PTPRD: variants seen among roughly 807,000 people sequenced by gnomAD.
PTPRD encodes the protein receptor-type tyrosine-protein phosphatase delta.
A neutral mutation model predicts 214.5 loss-of-function variants in PTPRD; 34 were observed. That is an observed-to-expected ratio of 0.16 (90% confidence interval 0.12 to 0.21). The LOEUF is 0.21. Ranked by LOEUF, PTPRD falls within the 10% of genes least tolerant of loss-of-function variation. The pLI, the probability that PTPRD is intolerant of heterozygous loss-of-function variation, is 1.00. For missense variants in PTPRD, 2,545 were observed against 2,398.7 expected (o/e 1.06, Z -1.27); for synonymous variants, 1,128 against 845.7 (o/e 1.33, Z -5.79).
At chr9:8,939,708 C>T (rs1442535447) in intron 11 of PTPRD, among the ~76,000 whole-genome samples, 1 of 152,150 alleles carries the variant, frequency 6.6e-6, no homozygotes, top group East Asian at 1.9e-4. Flanking sequence ...TTTTGGGAGA[C>T]AGCTAAGGAT....
chr9:8,445,728 G>C (rs1181019717), intron 34 of PTPRD, among the ~76,000 whole-genome samples: 1 of 152,114 alleles, frequency 6.6e-6, no homozygotes, highest in Non-Finnish European at 1.5e-5. Flanking sequence ...TATTGTCTCT[G>C]ATGCAGCAAT....
intron 39 of PTPRD, among the ~76,000 whole-genome samples, chr9:8,351,742 T>TAAAAAAAAAA (rs71317359): frequency 1.5e-5 from 1 of 68,518 alleles, no homozygotes; most frequent in Non-Finnish European, 2.5e-5. Flanking sequence ...TGGCAAAGAG[T>TAAAAAAAAAA]AAAAAAAAAA....
At chr9:9,687,655 A>G (rs550645440) in intron 7 of PTPRD, among the ~76,000 whole-genome samples, 29 of 151,908 alleles carry the variant, frequency 1.9e-4, no homozygotes, top group African/African-American at 7.0e-4. Context: ...AAGATTATGC[A>G]ATCTTTAACA....
At chr9:9,225,999 G>C (rs1338207144) in intron 9 of PTPRD, among the ~76,000 whole-genome samples, 1 of 151,812 alleles carries the variant, frequency 6.6e-6, no homozygotes, top group East Asian at 1.9e-4. Context: ...GAAAATTTAT[G>C]GTTCCCTCTT....
chr9:9,963,609 T>A (rs1242130449), intron 4 of PTPRD, among the ~76,000 whole-genome samples: 2 of 152,156 alleles, frequency 1.3e-5, no homozygotes, highest in Non-Finnish European at 2.9e-5. Context: ...GCATAAAATA[T>A]GCAGTCAAAC....
At chr9:8,958,828 A>G (rs1567239348) in intron 11 of PTPRD, 1 of 152,002 alleles carries the variant, frequency 6.6e-6, no homozygotes. Flanking sequence ...ATGGAAAAGG[A>G]CTGGAGATAT....
chr9:10,445,912 G>C (rs1479013407), intron 2 of PTPRD, among the ~76,000 whole-genome samples: 3 of 152,082 alleles, frequency 2.0e-5, no homozygotes, highest in Non-Finnish European at 2.9e-5. Flanking sequence ...TAAGTGGTAG[G>C]AGTTTGGTTT....
chr9:9,042,605 C>CT (rs201347176), intron 10 of PTPRD, among the ~76,000 whole-genome samples: 4 of 81,232 alleles, frequency 4.9e-5, no homozygotes, highest in Admixed American at 1.2e-4. Context: ...AGCATTTTTT[C>CT]TTTTTTTTCT....
intron 8 of PTPRD, among the ~76,000 whole-genome samples, chr9:9,402,438 A>G (rs1288760526): frequency 6.6e-6 from 1 of 152,118 alleles, no homozygotes; most frequent in African/African-American, 2.4e-5. Context: ...AGATTTAACA[A>G]AAAATTTCTT....
chr9:9,429,670 G>A (rs2082315813), intron 8 of PTPRD, among the ~76,000 whole-genome samples: 1 of 152,076 alleles, frequency 6.6e-6, no homozygotes, highest in Non-Finnish European at 1.5e-5. Flanking sequence ...CTGGCAAACC[G>A]AATCCAGCAG....
At chr9:9,256,287 C>T (rs1454999628) in intron 9 of PTPRD, among the ~76,000 whole-genome samples, 2 of 151,984 alleles carry the variant, frequency 1.3e-5, no homozygotes, top group Non-Finnish European at 2.9e-5. Context: ...TGAAAAAATG[C>T]TACTGCAGAA....
intron 2 of PTPRD, among the ~76,000 whole-genome samples, chr9:10,347,595 G>C (rs1017628794): frequency 1.3e-5 from 2 of 151,662 alleles, no homozygotes; most frequent in African/African-American, 2.4e-5. Context: ...ATTTTTAGTA[G>C]AGACGGGGTT....
chr9:9,412,552 C>G (rs545554405), intron 8 of PTPRD, among the ~76,000 whole-genome samples: 1 of 152,236 alleles, frequency 6.6e-6, no homozygotes, highest in African/African-American at 2.4e-5. Context: ...TTCCCAGCCT[C>G]AGGCCACTCT....
intron 2 of PTPRD, among the ~76,000 whole-genome samples, chr9:10,513,328 C>T (rs774079903): frequency 6.6e-5 from 10 of 152,006 alleles, no homozygotes; most frequent in Middle Eastern, 6.3e-3. Context: ...ACAGGACAAG[C>T]AGTTTTTCTT....
intron 12 of PTPRD, among the ~76,000 whole-genome samples, chr9:8,641,626 T>G (rs2096578468): frequency 2.2e-5 from 3 of 133,358 alleles, no homozygotes; most frequent in African/African-American, 8.2e-5. Context: ...TGGCCGATAT[T>G]CTAGAATGTG....
intron 37 of PTPRD, among the ~76,000 whole-genome samples, chr9:8,381,668 A>G (rs1305083478): frequency 1.3e-5 from 2 of 152,236 alleles, no homozygotes; most frequent in African/African-American, 4.8e-5. Context: ...AAGTTGAAAA[A>G]TATTATTCTC....
At chr9:10,016,358 T>TAGAC (rs2096712997) in intron 4 of PTPRD, among the ~76,000 whole-genome samples, 3 of 38,474 alleles carry the variant, frequency 7.8e-5, no homozygotes, top group African/African-American at 1.1e-4. Flanking sequence ...ATAGAAAGAT[T>TAGAC]AGATAGATAG....
chr9:9,066,969 G>A (rs2099735555), intron 10 of PTPRD, among the ~76,000 whole-genome samples: 1 of 152,316 alleles, frequency 6.6e-6, no homozygotes, highest in Admixed American at 6.5e-5. Context: ...CTGGCTGGGC[G>A]CCATGGCTCA....
chr9:9,035,327 C>T (rs761845841), intron 10 of PTPRD, among the ~76,000 whole-genome samples: 3 of 152,100 alleles, frequency 2.0e-5, no homozygotes, highest in African/African-American at 7.2e-5. Flanking sequence ...AGTACCTTCT[C>T]TGTCTTTTTG....
Sources: gnomAD v4.1 joint callset for allele counts (sites outside exome capture counted in the v4.1 genomes callset) on GRCh38, gnomAD v4.1.1 for gene constraint, MANE v1.5 for transcripts, NCBI Gene and HGNC (gene_info 2026-07-23, HGNC 2026-07-21) for gene names.